FDFT1: variants seen among roughly 807,000 people sequenced by gnomAD.
FDFT1 encodes farnesyl-diphosphate farnesyltransferase 1, also known as squalene synthase.
Under a neutral mutation model 46.8 loss-of-function variants are expected in FDFT1, and 68 were observed. That is an observed-to-expected ratio of 1.45 (90% CI 1.19 to 1.78). The LOEUF is 1.78. Ranked by LOEUF, FDFT1 falls within the 40% of genes most tolerant of loss-of-function variation. The pLI, the probability that FDFT1 is intolerant of heterozygous loss-of-function variation, is 0.00. For missense variants in FDFT1, 928 were observed against 524.4 expected (o/e 1.77, Z -7.52); for synonymous variants, 351 against 185.1 (o/e 1.90, Z -7.28).
chr8:11,834,619 T>C (rs17757392), intron 7 of FDFT1, among the ~76,000 whole-genome samples: 46,043 of 152,140 alleles, frequency 0.3, 7,414 homozygotes, highest in South Asian at 0.41. Flanking sequence ...CTGCCTTTTT[T>C]TCCCAAATGA....
At chr8:11,820,320 A>G (rs1298309675) in intron 3 of FDFT1, among the ~76,000 whole-genome samples, 1 of 152,138 alleles carries the variant, frequency 6.6e-6, no homozygotes, top group Non-Finnish European at 1.5e-5. Flanking sequence ...CCACTTGAGG[A>G]GGCAGTCTGT....
intron 1 of FDFT1, among the ~76,000 whole-genome samples, chr8:11,805,762 A>T (rs934737523): frequency 2.0e-5 from 3 of 152,232 alleles, no homozygotes; most frequent in Admixed American, 2.0e-4. Flanking sequence ...AGAAATAATT[A>T]TGAGGTGCTA....
chr8:11,831,506 TG>T lies in FDFT1; in HGVS notation c.880-11del, dbSNP rs762252345. The T allele has an allele frequency of 6.2e-7, 1 of 1,611,220 alleles. No homozygotes were observed. The highest frequency in any genetic ancestry group is 1.1e-5 in the South Asian group (1 of 90,628). Reference sequence around the variant, plus strand: ...ATTTCTTCTTTTTTCCCTCTCTTCTTGTTGTCTCTAGGTGATGGCCATTGCC... The same window carrying T: ...ATTTCTTCTTTTTTCCCTCTCTTCTTTTGTCTCTAGGTGATGGCCATTGCC... On this transcript the variant is annotated splice_polypyrimidine_tract_variant and intron_variant, in intron 6 of 7. Transcript: ENST00000220584.
intron 4 of FDFT1, 68 bp downstream of exon 4, chr8:11,821,946 T>A: frequency 6.4e-7 from 1 of 1,567,558 alleles, no homozygotes; most frequent in Non-Finnish European, 8.7e-7. Flanking sequence ...ATAGTGAAGC[T>A]CAGAACAAGA....
intron 3 of FDFT1, among the ~76,000 whole-genome samples, chr8:11,817,548 C>CTT (rs1221337627): frequency 6.6e-6 from 1 of 152,134 alleles, no homozygotes; most frequent in African/African-American, 2.4e-5. Flanking sequence ...TCAGAGCCTG[C>CTT]TATTGGTCAT....
At chr8:11,833,967 G>A (rs544939365) in intron 7 of FDFT1, among the ~76,000 whole-genome samples, 2 of 152,250 alleles carry the variant, frequency 1.3e-5, no homozygotes, top group African/African-American at 2.4e-5. Context: ...AGTTTCAGCA[G>A]TAAGGACATT....
chr8:11,822,167 A>C (rs1318649571), intron 4 of FDFT1, among the ~76,000 whole-genome samples: 1 of 152,192 alleles, frequency 6.6e-6, no homozygotes, highest in African/African-American at 2.4e-5. Context: ...ATCAAAACAT[A>C]AGGTAGGGTT....
chr8:11,829,929 C>A (rs1357581695), intron 5 of FDFT1, among the ~76,000 whole-genome samples: 2 of 151,628 alleles, frequency 1.3e-5, no homozygotes, highest in African/African-American at 4.9e-5. Context: ...CTCACTGCAA[C>A]CTCCGCCCCC....
At chr8:11,836,580 C>G (rs915445942) in intron 7 of FDFT1, among the ~76,000 whole-genome samples, 2 of 152,258 alleles carry the variant, frequency 1.3e-5, no homozygotes, top group African/African-American at 4.8e-5. Context: ...TGTTTCACTT[C>G]TCCACTCGTT....
At position 11,804,962 on chromosome 8, in the gene FDFT1, G is replaced by A. The variant is rs1806642586; in HGVS notation, c.99+2031G>A. Among the ~76,000 whole-genome samples the A allele has an allele frequency of 1.5e-5, 2 of 129,622 alleles. 1 individual carries two copies. The highest frequency in any genetic ancestry group is 5.5e-4 in the South Asian group (2 of 3,636). 85.0% of individuals were successfully genotyped at this position (129,622 alleles called of 152,430 possible). On this transcript the variant is annotated intron_variant, in intron 1 of 7. Transcript: ENST00000220584. ...CTCACTCCATCGTCCAGGCTAGAAT[G>A]CTGTGGCCTGAACATGACTCACTCC...
chr8:11,811,836 A>G (rs1209977612), intron 3 of FDFT1, among the ~76,000 whole-genome samples: 1 of 152,326 alleles, frequency 6.6e-6, no homozygotes, highest in African/African-American at 2.4e-5. Flanking sequence ...GCGTGCATAT[A>G]TAATTTTAAG....
At chr8:11,811,904 G>A (rs1807766094) in intron 3 of FDFT1, among the ~76,000 whole-genome samples, 1 of 152,222 alleles carries the variant, frequency 6.6e-6, no homozygotes, top group African/African-American at 2.4e-5. Flanking sequence ...GACTGTATGG[G>A]AATTAACAGT....
chr8:11,796,312 A>C (rs73207239), intron 1 of FDFT1, among the ~76,000 whole-genome samples: 9,122 of 152,154 alleles, frequency 0.06, 329 homozygotes, highest in Middle Eastern at 0.082. Flanking sequence ...CGCTGTAAAC[A>C]CTCCGCCAGA....
At chr8:11,802,016 G>A (rs1366449444), upstream of FDFT1, 1 of 456,050 alleles carries the variant, frequency 2.2e-6, no homozygotes, top group East Asian at 6.9e-5. Flanking sequence ...TAGGGCTGGA[G>A]AGATCTAGGA....
intron 3 of FDFT1, among the ~76,000 whole-genome samples, chr8:11,816,092 C>G (rs117849877): frequency 0.059 from 9,034 of 152,282 alleles, 462 homozygotes; most frequent in African/African-American, 0.13. Context: ...ATATGGCAAG[C>G]CAGGTTTCCC....
chr8:11,836,704 A>G (rs1811580016), intron 7 of FDFT1, among the ~76,000 whole-genome samples: 1 of 152,268 alleles, frequency 6.6e-6, no homozygotes, highest in Non-Finnish European at 1.5e-5. Context: ...TAATAGAATT[A>G]TCTCATCACT....
chr8:11,804,312 G>T (rs534039151), intron 1 of FDFT1, among the ~76,000 whole-genome samples: 1 of 152,206 alleles, frequency 6.6e-6, no homozygotes, highest in Non-Finnish European at 1.5e-5. Flanking sequence ...GACTGTTAGA[G>T]AAAATGGTAG....
chr8:11,830,038 G>A (rs1810553785), intron 5 of FDFT1, among the ~76,000 whole-genome samples: 1 of 152,074 alleles, frequency 6.6e-6, no homozygotes, highest in African/African-American at 2.4e-5. Context: ...AGTAGACACA[G>A]GGTTTCACCA....
chr8:11,796,014 G>A (rs755107445), intron 1 of FDFT1: 1 of 152,234 alleles, frequency 6.6e-6, no homozygotes, highest in African/African-American at 2.4e-5. Context: ...ACTCTAAGGT[G>A]AAAGATTGGT....
Sources: gnomAD v4.1 joint callset for allele counts (sites outside exome capture counted in the v4.1 genomes callset) on GRCh38, gnomAD v4.1.1 for gene constraint, MANE v1.5 for transcripts, NCBI Gene and HGNC (gene_info 2026-07-23, HGNC 2026-07-21) for gene names.